CDKAL1: variants seen among roughly 807,000 people sequenced by gnomAD.
CDKAL1 encodes threonylcarbamoyladenosine tRNA methylthiotransferase.
CDKAL1 carries 32 observed loss-of-function variants against 68.2 expected under a neutral mutation model. The observed-to-expected ratio is 0.47, with a 90% CI of 0.35 to 0.63. The LOEUF (loss-of-function observed/expected upper bound fraction) is 0.63, where lower values mean the gene tolerates loss of function less well. Among genes scored for constraint, CDKAL1 ranks in the 30% least tolerant of loss-of-function variants. The pLI is 0.00. For missense variants in CDKAL1, 606 were observed against 696.7 expected, an observed-to-expected ratio of 0.87 and a Z score of 1.47; for synonymous variants, 234 against 244.3, an observed-to-expected ratio of 0.96 and a Z score of 0.39.
intron 9 of CDKAL1, among the ~76,000 whole-genome samples, chr6:20,932,436 AG>A (rs1763504196): frequency 6.6e-6 from 1 of 152,170 alleles, no homozygotes; most frequent in Admixed American, 6.5e-5. Flanking sequence ...GAAGCACAGT[AG>A]CACTTCAGAC....
At chr6:20,806,200 A>G (rs1224044572) in intron 8 of CDKAL1, among the ~76,000 whole-genome samples, 2 of 152,078 alleles carry the variant, frequency 1.3e-5, no homozygotes, top group Non-Finnish European at 2.9e-5. Context: ...TATGTACTCA[A>G]TGTTTAGCTC....
At chr6:21,205,616 C>T (rs565773163) in intron 15 of CDKAL1, among the ~76,000 whole-genome samples, 25 of 151,698 alleles carry the variant, frequency 1.6e-4, no homozygotes, top group South Asian at 6.2e-4. Flanking sequence ...CTGTAAGCTC[C>T]GCCTCCTGGG....
At chr6:20,648,817 A>G (rs1581893019) in intron 4 of CDKAL1, among the ~76,000 whole-genome samples, 1 of 152,338 alleles carries the variant, frequency 6.6e-6, no homozygotes. Flanking sequence ...TTTAATCAAA[A>G]TGGTGATAGG....
intron 11 of CDKAL1, among the ~76,000 whole-genome samples, chr6:21,053,689 T>C (rs1244169136): frequency 6.6e-6 from 1 of 152,160 alleles, no homozygotes; most frequent in Non-Finnish European, 1.5e-5. Flanking sequence ...GCATTTTACA[T>C]GGTTTTAACT....
chr6:20,912,667 G>T (rs1386872624), intron 9 of CDKAL1, among the ~76,000 whole-genome samples: 1 of 152,070 alleles, frequency 6.6e-6, no homozygotes, highest in Non-Finnish European at 1.5e-5. Flanking sequence ...CTTTTTCAGT[G>T]TTAATCTTTT....
chr6:20,601,958 C>T (rs1228603322), intron 4 of CDKAL1, among the ~76,000 whole-genome samples: 1 of 152,144 alleles, frequency 6.6e-6, no homozygotes, highest in South Asian at 2.1e-4. Context: ...GTAGGAAGAC[C>T]TAATGAAAAG....
chr6:20,617,966 A>C (rs7739405), intron 4 of CDKAL1, among the ~76,000 whole-genome samples: 1 of 152,052 alleles, frequency 6.6e-6, no homozygotes, highest in African/African-American at 2.4e-5. Flanking sequence ...CAATATCTCC[A>C]GTTCTAGATC....
intron 4 of CDKAL1, among the ~76,000 whole-genome samples, chr6:20,620,046 C>CA (rs1767106916): frequency 6.6e-6 from 1 of 152,148 alleles, no homozygotes; most frequent in South Asian, 2.1e-4. Context: ...CAAGCGAACT[C>CA]ACGTTTAGAG....
In CDKAL1 at chr6:21,208,444, C is replaced by G. The variant is rs529158926; in HGVS notation, c.1548+7170C>G. Among the ~76,000 whole-genome samples the G allele has an allele frequency of 7.5e-4, 114 of 152,278 alleles. 3 individuals are homozygous for G. Among genetic ancestry groups the G allele is most frequent in the African/African-American group, 2.6e-3 (110 of 41,562 alleles). ...CAGATTTGAAAGCACATGAAAACTA[C>G]ATTCATGAGGTTAAGAAATGGCTTA... On this transcript the variant is annotated intron_variant, in intron 15 of 15. Coordinates refer to ENST00000274695, the MANE Select transcript of CDKAL1 (RefSeq NM_017774.3).
At chr6:20,630,839 C>A (rs959893107) in intron 4 of CDKAL1, among the ~76,000 whole-genome samples, 2 of 152,142 alleles carry the variant, frequency 1.3e-5, no homozygotes, top group African/African-American at 4.8e-5. Flanking sequence ...TTTCTGTTTC[C>A]GCATCCATAA....
intron 9 of CDKAL1, among the ~76,000 whole-genome samples, chr6:20,857,022 A>G (rs1321122893): frequency 1.3e-5 from 2 of 152,202 alleles, no homozygotes; most frequent in African/African-American, 2.4e-5. Flanking sequence ...TACTTGCACA[A>G]TATCAGGTAA....
chr6:20,903,559 A>G (rs1762102624), intron 9 of CDKAL1, among the ~76,000 whole-genome samples: 2 of 152,172 alleles, frequency 1.3e-5, no homozygotes, highest in African/African-American at 4.8e-5. Context: ...TTGATTTCTC[A>G]ATCATGATTG....
At chr6:20,802,321 T>C (rs141794577) in intron 8 of CDKAL1, among the ~76,000 whole-genome samples, 1,313 of 57,504 alleles carry the variant, frequency 0.023, 19 homozygotes, top group African/African-American at 0.054. Flanking sequence ...ACAACAATAA[T>C]AATAATAATA....
intron 9 of CDKAL1, among the ~76,000 whole-genome samples, chr6:20,883,533 C>T (rs898391549): frequency 6.6e-6 from 1 of 152,180 alleles, no homozygotes; most frequent in East Asian, 1.9e-4. Flanking sequence ...ACTGCGCAAC[C>T]GAATGTTTCA....
chr6:21,083,748 C>T (rs1418181240), intron 12 of CDKAL1, among the ~76,000 whole-genome samples: 1 of 152,116 alleles, frequency 6.6e-6, no homozygotes, highest in Non-Finnish European at 1.5e-5. Flanking sequence ...CTGTAGTCTC[C>T]TTGAATCTAT....
intron 15 of CDKAL1, among the ~76,000 whole-genome samples, chr6:21,203,215 ATTTTTTTTTTTTTTTTTT>A (rs371165972): frequency 1.5e-4 from 7 of 47,090 alleles, no homozygotes; most frequent in African/African-American, 4.4e-4. Context: ...ATCCTGGCTA[ATTTTTTTTTTTTTTTTTT>A]TTTTTTTTTT....
rs1466018488 is a variant in CDKAL1, at chr6:20,538,967, G to A, written c.-6+3573G>A. On this transcript the variant is annotated intron_variant, in intron 2 of 15. Transcript: ENST00000274695. ...CCTTTGTGCTTAACAAGCTTACATT[G>A]TAATGAGGAAGATACAATTATATAT... Among the ~76,000 whole-genome samples the A allele has an allele frequency of 2.0e-5, 3 of 152,340 alleles. No individual in the cohort carries two copies. The East Asian group carries it at 5.8e-4, about 29-fold the overall frequency.
At chr6:20,710,343 A>G (rs768819963) in intron 5 of CDKAL1, among the ~76,000 whole-genome samples, 1 of 152,178 alleles carries the variant, frequency 6.6e-6, no homozygotes, top group Non-Finnish European at 1.5e-5. Flanking sequence ...ACAAATACTT[A>G]GCTTTGTGTT....
At chr6:21,101,705 T>G (rs529957245) in intron 12 of CDKAL1, among the ~76,000 whole-genome samples, 1 of 152,064 alleles carries the variant, frequency 6.6e-6, no homozygotes, top group African/African-American at 2.4e-5. Flanking sequence ...CAGAACTGAA[T>G]TATCCTTTTT....
Sources: gnomAD v4.1 joint callset for allele counts (sites outside exome capture counted in the v4.1 genomes callset) on GRCh38, gnomAD v4.1.1 for gene constraint, MANE v1.5 for transcripts, NCBI Gene and HGNC (gene_info 2026-07-23, HGNC 2026-07-21) for gene names.